The following SCYL2 variants were observed in gnomAD, a reference collection of about 807,000 sequenced individuals.
SCYL2 encodes SCY1 like pseudokinase 2.
Under a neutral mutation model 100.4 loss-of-function variants are expected in SCYL2, and 36 were observed. The ratio of observed to expected loss-of-function variants is 0.36; its 90% CI spans 0.27 to 0.47. SCYL2 has a LOEUF of 0.47. SCYL2 is among the 20% of genes least tolerant of loss of function. The pLI, the probability that SCYL2 is intolerant of heterozygous loss-of-function variation, is 1.00. For synonymous variants in SCYL2, 330 were observed against 359.2 expected, an observed-to-expected ratio of 0.92 and a Z score of 0.92; for missense variants, 902 against 1,083.9, an observed-to-expected ratio of 0.83 and a Z score of 2.36.
intron 4 of SCYL2, among the ~76,000 whole-genome samples, chr12:100,310,573 A>G (rs1455687449): frequency 6.6e-6 from 1 of 152,218 alleles, no homozygotes; most frequent in Non-Finnish European, 1.5e-5. Context: ...AAATTACCAA[A>G]TATTAATCCA....
At chr12:100,279,065 G>T (rs1592928387) in intron 1 of SCYL2, among the ~76,000 whole-genome samples, 2 of 152,174 alleles carry the variant, frequency 1.3e-5, no homozygotes, top group Non-Finnish European at 2.9e-5. Context: ...TTTATCCTGT[G>T]TGTGGTTTAT....
Position 100,283,038 on chromosome 12 carries a change from T to C in SCYL2, c.68T>C (p.Val23Ala). ...GTAACAGCTGATGTCACTAGTGCTG[T>C]AATGGGAAATCCTGTCACTAGAGAA... ...TKVTADVTSA[V>A]MGNPVTREFD... Residue 23 changes from valine to alanine, a missense_variant, in exon 2 of 18, where the codon GTA becomes GCA. Physicochemically the swap from Val to Ala is moderately conservative, Grantham distance 64. Transcript: ENST00000360820. 1 of 1,612,786 alleles carries C rather than the reference T, an allele frequency of 6.2e-7. No individual in the cohort carries two copies. The highest frequency in any genetic ancestry group is 8.5e-7 in the Non-Finnish European group (1 of 1,178,994).
chr12:100,305,896 G>A lies in SCYL2; in HGVS notation c.481-5148G>A, dbSNP rs141106972. ...TAAATCCTTCTATGCAAATAAACTC[G>A]AAAATCAAGAAGAAATGGATAAATT... is the stretch of plus-strand genomic sequence containing the variant. On this transcript the variant is annotated intron_variant, in intron 4 of 17. Transcript: ENST00000360820. Among the ~76,000 whole-genome samples the A allele has an allele frequency of 2.9e-3, 438 of 151,940 alleles. 2 individuals are homozygous for A. The highest frequency in any genetic ancestry group is 9.1e-3 in the African/African-American group (376 of 41,470).
rs1321134826 is a variant in SCYL2 at position 100,294,555 on chromosome 12, G to A, written c.335+2895G>A. ...CCCCCACCTCCCTCCCAGACCGGGC[G>A]GCTGGCCGGGCGGGGGCTGACCCCC... On this transcript the variant is annotated intron_variant, in intron 3 of 17. Coordinates refer to ENST00000360820, the MANE Select transcript of SCYL2 (RefSeq NM_017988.6). Among the ~76,000 whole-genome samples, 38 of 140,962 alleles carry A rather than the reference G, an allele frequency of 2.7e-4. 1 individual carries two copies. The highest frequency in any genetic ancestry group is 8.0e-4 in the African/African-American group (30 of 37,456). The allele number at this position is 140,962 out of a possible 152,430, so 92.5% of individuals were successfully genotyped here.
chr12:100,280,931 A>C (rs1330164247), intron 1 of SCYL2, among the ~76,000 whole-genome samples: 1 of 151,428 alleles, frequency 6.6e-6, no homozygotes, highest in Non-Finnish European at 1.5e-5. Context: ...TAATGACACT[A>C]GTCATTAATA....
At chr12:100,336,403 A>G (rs181999546) in intron 16 of SCYL2, among the ~76,000 whole-genome samples, 6 of 152,046 alleles carry the variant, frequency 3.9e-5, no homozygotes, top group East Asian at 1.9e-4. Context: ...CATGGTGTCA[A>G]CTTTTATAGT....
chr12:100,278,246 C>G (rs1231298818), intron 1 of SCYL2, among the ~76,000 whole-genome samples: 1 of 152,046 alleles, frequency 6.6e-6, no homozygotes, highest in East Asian at 1.9e-4. Flanking sequence ...GTCACCCGGG[C>G]TGGAGTGCAG....
At position 100,326,757 on chromosome 12, in the gene SCYL2, A is replaced by G; in HGVS notation, c.1642+3A>G. The G allele has an allele frequency of 1.2e-6, 2 of 1,603,456 alleles. No homozygotes were observed. Among genetic ancestry groups the G allele is most frequent in the Non-Finnish European group, 1.7e-6 (2 of 1,177,320 alleles). ...TGCGGTCCTCATGGGAATTTTAGGT[A>G]GCTGAAAATTTAATGTCATTTGATG... On this transcript the variant is annotated splice_donor_region_variant and intron_variant, in intron 12 of 17. Transcript: ENST00000360820.
chr12:100,273,569 T>C (rs144934081), intron 1 of SCYL2, among the ~76,000 whole-genome samples: 1 of 152,336 alleles, frequency 6.6e-6, no homozygotes, highest in African/African-American at 2.4e-5. Flanking sequence ...TTGCCATACG[T>C]ACATCAGTGT....
At chr12:100,293,252 TG>T (rs1260360511) in intron 3 of SCYL2, among the ~76,000 whole-genome samples, 1 of 152,180 alleles carries the variant, frequency 6.6e-6, no homozygotes, top group Non-Finnish European at 1.5e-5. Flanking sequence ...CTGCTGCACC[TG>T]GCTTGCTCAT....
At chr12:100,315,464 A>G (rs2096347407) in intron 8 of SCYL2, 94 bp from the exon 9 acceptor site, 2 of 998,300 alleles carry the variant, frequency 2.0e-6, no homozygotes, top group South Asian at 4.6e-5. Context: ...CACGTTACCT[A>G]AAGGGATTAG....
chr12:100,317,629 T>G (rs2096350490), intron 9 of SCYL2, 174 bp from the exon 10 acceptor site: 1 of 1,387,968 alleles, frequency 7.2e-7, no homozygotes, highest in South Asian at 1.8e-5. Flanking sequence ...ATATTGTGCC[T>G]CCAGAAATGT....
chr12:100,276,091 G>A (rs979228460), intron 1 of SCYL2, among the ~76,000 whole-genome samples: 9 of 152,096 alleles, frequency 5.9e-5, no homozygotes, highest in African/African-American at 2.2e-4. Flanking sequence ...AGGGACATTG[G>A]TTTGCAATTT....
intron 1 of SCYL2, 140 bp downstream of exon 1, chr12:100,267,932 A>C (rs1163350726): frequency 1.3e-5 from 2 of 152,226 alleles, no homozygotes; most frequent in Non-Finnish European, 2.9e-5. Context: ...TGGGTGGGGC[A>C]GGGGTTTTGT....
rs1952136760 is a variant in SCYL2 at position 100,326,840 on chromosome 12, T to A, written c.1642+86T>A. On this transcript the variant is annotated intron_variant, in intron 12 of 17. Coordinates refer to ENST00000360820, the MANE Select transcript of SCYL2 (RefSeq NM_017988.6). ...ATAAAACAATTATACTCTCCTTTCG[T>A]GTATATAGCATTTCATAATTGAAGA... 3.7e-6 allele frequency: 4 copies of A among 1,079,974 alleles called. No individual in the cohort carries two copies. The Admixed American group carries it at 1.1e-4, about 29-fold the overall frequency. 66.9% of individuals were successfully genotyped at this position (1,079,974 alleles called of 1,614,324 possible). A position where few individuals can be genotyped will look rare whatever the true frequency, so the allele number is the denominator to read the frequency against.
chr12:100,275,043 A>T (rs2096291186), intron 1 of SCYL2, among the ~76,000 whole-genome samples: 1 of 152,046 alleles, frequency 6.6e-6, no homozygotes, highest in African/African-American at 2.4e-5. Flanking sequence ...ATATCGTTCC[A>T]TTTATTTAGG....
At chr12:100,289,297 T>A (rs1277150715) in intron 2 of SCYL2, among the ~76,000 whole-genome samples, 2 of 152,224 alleles carry the variant, frequency 1.3e-5, no homozygotes, top group African/African-American at 4.8e-5. Context: ...TTCCGTATTT[T>A]CCCTGTGTTA....
At chr12:100,334,027 G>A in intron 13 of SCYL2, 139 bp from the exon 14 acceptor site, 1 of 551,044 alleles carries the variant, frequency 1.8e-6, no homozygotes, top group East Asian at 3.0e-5. Context: ...CATTCTTATT[G>A]AATATCAGCG....
At chr12:100,302,049 C>T (rs2096328371) in intron 4 of SCYL2, among the ~76,000 whole-genome samples, 1 of 152,200 alleles carries the variant, frequency 6.6e-6, no homozygotes, top group Non-Finnish European at 1.5e-5. Context: ...CTAGAAATGT[C>T]ATCCATGAGC....
Sources: gnomAD v4.1 joint callset for allele counts (sites outside exome capture counted in the v4.1 genomes callset) on GRCh38, gnomAD v4.1.1 for gene constraint, MANE v1.5 for transcripts, NCBI Gene and HGNC (gene_info 2026-07-23, HGNC 2026-07-21) for gene names.